Variants in RHBDD1 observed in about 807,000 individuals in gnomAD.
RHBDD1 encodes rhomboid domain containing 1, also known as rhomboid-related protein 4.
Under a neutral mutation model 36.3 loss-of-function variants are expected in RHBDD1, and 38 were observed. That is an observed-to-expected ratio of 1.05 (90% CI 0.81 to 1.37). The LOEUF (loss-of-function observed/expected upper bound fraction) is 1.37, where lower values mean the gene tolerates loss of function less well. Among genes scored for constraint, RHBDD1 ranks in the 40% most tolerant of loss-of-function variants. The pLI is 0.00. For missense variants in RHBDD1, 393 were observed against 377.6 expected (o/e 1.04, Z -0.34); for synonymous variants, 151 against 136.5 (o/e 1.11, Z -0.74).
At chr2:226,869,624 A>C (rs547694610) in intron 5 of RHBDD1, among the ~76,000 whole-genome samples, 1 of 152,282 alleles carries the variant, frequency 6.6e-6, no homozygotes, top group African/African-American at 2.4e-5. Flanking sequence ...GGAATTAGTA[A>C]TTTCCCCCAG....
intron 8 of RHBDD1, among the ~76,000 whole-genome samples, chr2:226,991,274 G>A (rs1297783855): frequency 6.6e-6 from 1 of 152,184 alleles, no homozygotes; most frequent in Non-Finnish European, 1.5e-5. Flanking sequence ...TCTGCTTCCT[G>A]GGTTCAAGCC....
intron 8 of RHBDD1, among the ~76,000 whole-genome samples, chr2:226,980,711 G>A (rs1247189722): frequency 2.6e-5 from 4 of 152,108 alleles, no homozygotes; most frequent in African/African-American, 9.7e-5. Context: ...TACTTCCAAT[G>A]AAGTTCAGAG....
chr2:226,801,168 A>G, the RHBDD1 span, among the ~76,000 whole-genome samples: 3 of 152,130 alleles, frequency 2.0e-5, no homozygotes, highest in Admixed American at 6.5e-5. Flanking sequence ...CTGGGCACTC[A>G]GCAGTCGAGG....
chr2:226,838,840 A>C (rs1305254680), intron 2 of RHBDD1, among the ~76,000 whole-genome samples: 1 of 152,192 alleles, frequency 6.6e-6, no homozygotes, highest in Non-Finnish European at 1.5e-5. Flanking sequence ...CAGTTTTATC[A>C]CTGTAACAGA....
At chr2:226,852,474 G>T (rs1942902827) in intron 3 of RHBDD1, among the ~76,000 whole-genome samples, 1 of 152,028 alleles carries the variant, frequency 6.6e-6, no homozygotes, top group South Asian at 2.1e-4. Flanking sequence ...GTGTCCTTAT[G>T]AAATGGACCC....
chr2:226,993,061 C>T (rs1958612981), intron 8 of RHBDD1, among the ~76,000 whole-genome samples: 1 of 152,202 alleles, frequency 6.6e-6, no homozygotes, highest in African/African-American at 2.4e-5. Flanking sequence ...CCCTGGTTCT[C>T]CTCGAATGCC....
At chr2:226,875,911 G>A (rs946377375) in intron 5 of RHBDD1, among the ~76,000 whole-genome samples, 1 of 152,346 alleles carries the variant, frequency 6.6e-6, no homozygotes, top group East Asian at 1.9e-4. Context: ...AGGGCACAGT[G>A]CACATGAACA....
rs374018858 is a variant in RHBDD1 at position 226,983,403 on chromosome 2, C to A, written c.857-12028C>A. Among the ~76,000 whole-genome samples, 407 of 152,336 alleles carry A rather than the reference C, an allele frequency of 2.7e-3. 4 individuals carry two copies. In the South Asian group the frequency reaches 0.042, roughly 16 times the overall value. ...GACCTGGGGCCAGTTATGTGGTTCA[C>A]TTTATTTGCTGCTAGTCAGTCAGGC... On this transcript the variant is annotated intron_variant, in intron 8 of 8. Coordinates refer to ENST00000392062, the MANE Select transcript of RHBDD1 (RefSeq NM_001167608.3).
chr2:226,811,467 A>G, the RHBDD1 span, among the ~76,000 whole-genome samples: 1 of 152,034 alleles, frequency 6.6e-6, no homozygotes, highest in Non-Finnish European at 1.5e-5. Context: ...ATGCCCAGCT[A>G]ATTTTTTGTA....
chr2:226,942,446 A>G, intron 8 of RHBDD1: 1 of 244,704 alleles, frequency 4.1e-6, no homozygotes, highest in Non-Finnish European at 8.3e-6. Context: ...TCACCGTGTT[A>G]ACTAGGATGG....
intron 8 of RHBDD1, among the ~76,000 whole-genome samples, chr2:226,990,598 C>G (rs1365740954): frequency 6.6e-6 from 1 of 152,074 alleles, no homozygotes; most frequent in Non-Finnish European, 1.5e-5. Context: ...CATGGTGTTC[C>G]TTTTAGCAAT....
intron 5 of RHBDD1, among the ~76,000 whole-genome samples, chr2:226,874,023 T>G (rs1945013901): frequency 6.6e-6 from 1 of 151,992 alleles, no homozygotes; most frequent in South Asian, 2.1e-4. Flanking sequence ...GTGGCAGGTG[T>G]AAGAGAGAGC....
intron 8 of RHBDD1, chr2:226,988,307 C>G: frequency 1.3e-6 from 2 of 1,544,240 alleles, no homozygotes. Context: ...TTCCCTTCCA[C>G]TGTGCCCCAC....
the RHBDD1 span, among the ~76,000 whole-genome samples, chr2:226,806,484 A>G: frequency 6.6e-5 from 10 of 152,238 alleles, no homozygotes; most frequent in African/African-American, 2.4e-4. Context: ...ACAAATGAAG[A>G]CATTAGGAAA....
At chr2:226,934,185 T>C (rs1013464643) in intron 8 of RHBDD1, among the ~76,000 whole-genome samples, 1 of 152,172 alleles carries the variant, frequency 6.6e-6, no homozygotes, top group Non-Finnish European at 1.5e-5. Context: ...ACCTTTTCTA[T>C]GTTTAGATAC....
At chr2:226,916,784 A>G (rs140373766) in intron 8 of RHBDD1, among the ~76,000 whole-genome samples, 3 of 152,360 alleles carry the variant, frequency 2.0e-5, no homozygotes, top group African/African-American at 7.2e-5. Context: ...AAATGCAAGA[A>G]GACAAGCTTA....
intron 8 of RHBDD1, among the ~76,000 whole-genome samples, chr2:226,949,942 G>T (rs951375924): frequency 1.3e-5 from 2 of 152,066 alleles, no homozygotes; most frequent in African/African-American, 4.8e-5. Flanking sequence ...TAATTATTTA[G>T]TTGATCAAAA....
chr2:226,912,504 A>T (rs149834767), intron 7 of RHBDD1, among the ~76,000 whole-genome samples: 1 of 152,300 alleles, frequency 6.6e-6, no homozygotes. Context: ...TAAGCCATAC[A>T]GTGGAATATT....
chr2:226,823,302 T>C, the RHBDD1 span, among the ~76,000 whole-genome samples: 1 of 152,230 alleles, frequency 6.6e-6, no homozygotes, highest in Non-Finnish European at 1.5e-5. Context: ...ATTTCTGTTG[T>C]TTATAAACCA....
Sources: gnomAD v4.1 joint callset for allele counts (sites outside exome capture counted in the v4.1 genomes callset) on GRCh38, gnomAD v4.1.1 for gene constraint, MANE v1.5 for transcripts, NCBI Gene and HGNC (gene_info 2026-07-23, HGNC 2026-07-21) for gene names.